The following C12orf56 variants were observed in gnomAD, a reference collection of about 807,000 sequenced individuals.
The protein encoded by C12orf56 is chromosome 12 open reading frame 56.
In C12orf56, 71 loss-of-function variants were observed where a neutral mutation model predicts 69.9. The ratio of observed to expected loss-of-function variants is 1.02; its 90% confidence interval spans 0.84 to 1.24. The LOEUF (loss-of-function observed/expected upper bound fraction) is 1.24. Among genes scored for constraint, C12orf56 ranks in the 50% most tolerant of loss-of-function variants. The probability of loss-of-function intolerance (pLI) is 0.00; values close to 1 mark genes in which losing one functional copy is unlikely to be tolerated. For synonymous variants in C12orf56, 276 were observed against 274.1 expected, an observed-to-expected ratio of 1.01 and a Z score of -0.07; for missense variants, 732 against 738.5, an observed-to-expected ratio of 0.99 and a Z score of 0.10.
intron 2 of C12orf56, among the ~76,000 whole-genome samples, chr12:64,348,991 T>C (rs1380104196): frequency 6.6e-6 from 1 of 152,150 alleles, no homozygotes; most frequent in Non-Finnish European, 1.5e-5. Flanking sequence ...AAAACTGAAG[T>C]AATTATTTTT....
In C12orf56 at chr12:64,390,630, C is replaced by A. The variant is rs917930625; in HGVS notation, c.-65G>T. ...GCCCTCAGCTCGCCCTCTCCCCGCCCCCGCGCTGGAACCCGCGCGCCACAA... is the reference window on the plus strand; with the variant it reads ...GCCCTCAGCTCGCCCTCTCCCCGCCACCGCGCTGGAACCCGCGCGCCACAA... On this transcript the variant is annotated 5_prime_UTR_variant, in exon 1 of 13. Coordinates refer to ENST00000543942, the MANE Select transcript of C12orf56 (RefSeq NM_001170633.2). 2 of 1,385,744 alleles carry A rather than the reference C, an allele frequency of 1.4e-6. No individual in the cohort carries two copies. The highest frequency in any genetic ancestry group is 1.9e-6 in the Non-Finnish European group (2 of 1,078,618). The allele number at this position is 1,385,744 out of a possible 1,614,324, so 85.8% of individuals were successfully genotyped here. A position where few individuals can be genotyped will look rare whatever the true frequency, so the allele number is the denominator to read the frequency against.
intron 8 of C12orf56, among the ~76,000 whole-genome samples, chr12:64,284,144 C>T (rs1436284231): frequency 3.9e-5 from 6 of 152,110 alleles, no homozygotes; most frequent in African/African-American, 9.7e-5. Flanking sequence ...GTGATCCACC[C>T]GCCTTGGTTT....
At chr12:64,343,063 G>A (rs1460868798) in intron 2 of C12orf56, among the ~76,000 whole-genome samples, 1 of 152,126 alleles carries the variant, frequency 6.6e-6, no homozygotes, top group Non-Finnish European at 1.5e-5. Flanking sequence ...ACCCAAATGA[G>A]GGATGTCTTG....
rs566048492 is a variant in C12orf56 at position 64,286,929 on chromosome 12, T to G, written c.1114-869A>C. Among the ~76,000 whole-genome samples the G allele has an allele frequency of 3.3e-5, 5 of 152,186 alleles. No homozygotes were observed. In the East Asian group the frequency reaches 7.7e-4, roughly 24 times the overall value. On this transcript the variant is annotated intron_variant, in intron 6 of 12. Coordinates refer to ENST00000543942, the MANE Select transcript of C12orf56 (RefSeq NM_001170633.2). ...GTTTACCGGATACTCTCAGAAGTGC[T>G]TGGGATTTGAAAGAAGGAAGGACTT...
chr12:64,366,873 G>C (rs1359779816), intron 1 of C12orf56, among the ~76,000 whole-genome samples: 4 of 121,852 alleles, frequency 3.3e-5, no homozygotes, highest in African/African-American at 9.7e-5. Context: ...ATAACATACA[G>C]TTTATATATA....
intron 2 of C12orf56, among the ~76,000 whole-genome samples, chr12:64,337,509 C>CT (rs2039011409): frequency 1.3e-5 from 2 of 152,114 alleles, no homozygotes; most frequent in South Asian, 4.1e-4. Context: ...CCTGAAGGTG[C>CT]TTGAGAGACA....
chr12:64,343,227 C>T (rs748493966), intron 2 of C12orf56, among the ~76,000 whole-genome samples: 48 of 152,150 alleles, frequency 3.2e-4, no homozygotes, highest in Non-Finnish European at 6.5e-4. Flanking sequence ...TAGAAGGTCC[C>T]TGAATTTTAG....
chr12:64,363,678 G>A (rs1178119002), intron 1 of C12orf56, among the ~76,000 whole-genome samples: 3 of 152,070 alleles, frequency 2.0e-5, no homozygotes, highest in Admixed American at 1.3e-4. Context: ...ATCTTTTTGC[G>A]GAAAAAGGTG....
At chr12:64,321,295 G>A (rs550837871) in intron 3 of C12orf56, among the ~76,000 whole-genome samples, 12 of 152,014 alleles carry the variant, frequency 7.9e-5, no homozygotes, top group African/African-American at 2.7e-4. Flanking sequence ...TTTACATTAA[G>A]TTATCTTCTC....
At chr12:64,332,103 G>A (rs920439760) in intron 2 of C12orf56, among the ~76,000 whole-genome samples, 6 of 151,910 alleles carry the variant, frequency 3.9e-5, no homozygotes, top group Admixed American at 1.3e-4. Flanking sequence ...CCAGGAGTTC[G>A]AGACCAGCCT....
At chr12:64,345,586 G>A (rs1051720743) in intron 2 of C12orf56, among the ~76,000 whole-genome samples, 4 of 152,134 alleles carry the variant, frequency 2.6e-5, no homozygotes, top group African/African-American at 7.2e-5. Context: ...GCAGGTCAGC[G>A]ACTTGCATGA....
At chr12:64,351,394 A>G (rs2039220192) in intron 2 of C12orf56, among the ~76,000 whole-genome samples, 1 of 152,208 alleles carries the variant, frequency 6.6e-6, no homozygotes, top group Non-Finnish European at 1.5e-5. Flanking sequence ...CTAGGAAAGA[A>G]AGCAGGGTCT....
intron 2 of C12orf56, among the ~76,000 whole-genome samples, chr12:64,352,117 T>TG (rs2039234236): frequency 1.5e-4 from 1 of 6,806 alleles, no homozygotes; most frequent in African/African-American, 2.2e-4. Context: ...TTTTTTTTTG[T>TG]TTTTTTTTTT....
At chr12:64,354,877 G>A (rs189783278) in intron 1 of C12orf56, among the ~76,000 whole-genome samples, 13 of 150,500 alleles carry the variant, frequency 8.6e-5, no homozygotes, top group Admixed American at 5.9e-4. Context: ...TCAGGAGTTC[G>A]AGACCAGCCT....
At chr12:64,278,569 G>A (rs142372509) in intron 8 of C12orf56, among the ~76,000 whole-genome samples, 47 of 152,174 alleles carry the variant, frequency 3.1e-4, no homozygotes, top group African/African-American at 1.1e-3. Flanking sequence ...GCGAATTGAC[G>A]TATGCATCAC....
At chr12:64,359,946 C>T (rs1399983645) in intron 1 of C12orf56, among the ~76,000 whole-genome samples, 1 of 151,930 alleles carries the variant, frequency 6.6e-6, no homozygotes, top group Admixed American at 6.6e-5. Context: ...AACTCCTGAC[C>T]TTAAGTGATC....
intron 2 of C12orf56, among the ~76,000 whole-genome samples, chr12:64,346,630 G>C (rs180868337): frequency 6.6e-6 from 1 of 152,112 alleles, no homozygotes; most frequent in African/African-American, 2.4e-5. Context: ...TCCATCCCAG[G>C]AGGTTAGAGA....
rs546794208 is a variant in C12orf56, at chr12:64,371,899, A to ATTTCT, written c.252+18410_252+18414dup. On this transcript the variant is annotated intron_variant, in intron 1 of 12. Transcript: ENST00000543942. Reference sequence around the variant, plus strand: ...TGTCATGATATTGGTCTTGGCAATGATTTCTTTTTTTTTTTTTTTTTTTTT... The same window carrying ATTTCT: ...TGTCATGATATTGGTCTTGGCAATGATTTCTTTTCTTTTTTTTTTTTTTTTTTTTT... Among the ~76,000 whole-genome samples, 9 of 139,102 alleles carry ATTTCT rather than the reference A, an allele frequency of 6.5e-5. 1 individual carries two copies. Among genetic ancestry groups the ATTTCT allele is most frequent in the Non-Finnish European group, 7.7e-5 (5 of 65,324 alleles). The allele number at this position is 139,102 out of a possible 152,430, so 91.3% of individuals were successfully genotyped here.
chr12:64,302,808 A>G (rs1435486817), intron 6 of C12orf56, among the ~76,000 whole-genome samples: 1 of 152,162 alleles, frequency 6.6e-6, no homozygotes, highest in East Asian at 1.9e-4. Context: ...TTTTTGAATT[A>G]TATTCTTACA....
Sources: allele counts gnomAD v4.1 joint callset (sites outside exome capture counted in the v4.1 genomes callset), GRCh38; gene constraint gnomAD v4.1.1; transcripts MANE v1.5; gene names NCBI Gene and HGNC (gene_info 2026-07-23, HGNC 2026-07-21).